Variants in IMPG2 observed in about 807,000 individuals in gnomAD.
The protein encoded by IMPG2 is interphotoreceptor matrix proteoglycan 2, also known as IPM 200.
IMPG2 carries 91 observed loss-of-function variants against 129.2 expected under a neutral mutation model. That is an observed-to-expected ratio of 0.70 (90% CI 0.59 to 0.84). The LOEUF is 0.84. Among genes scored for constraint, IMPG2 ranks in the 40% least tolerant of loss-of-function variants. IMPG2 has a pLI of 0.00. For synonymous variants in IMPG2, 510 were observed against 517.7 expected, an observed-to-expected ratio of 0.99 and a Z score of 0.20; for missense variants, 1,430 against 1,461.7, an observed-to-expected ratio of 0.98 and a Z score of 0.35.
Position 101,320,457 on chromosome 3 carries a change from A to C in IMPG2, c.-85T>G. 1 of 812,766 alleles carries C rather than the reference A, an allele frequency of 1.2e-6. No individual in the cohort carries two copies. Among genetic ancestry groups the C allele is most frequent in the Non-Finnish European group, 2.1e-6 (1 of 467,530 alleles). 50.3% of individuals were successfully genotyped at this position (812,766 alleles called of 1,614,324 possible). On this transcript the variant is annotated 5_prime_UTR_variant, in exon 1 of 19. The change abolishes the stop of an existing upstream ORF in the 5' untranslated region. Transcript: ENST00000193391. Reference sequence around the variant, plus strand: ...TTGAAACTTCCAATAACAAAGAGTTATAGGAAAGACCTAACATTTAAAAGT... The same window carrying C: ...TTGAAACTTCCAATAACAAAGAGTTCTAGGAAAGACCTAACATTTAAAAGT...
chr3:101,256,145 AAAAG>A (rs57933330), intron 10 of IMPG2, among the ~76,000 whole-genome samples: 15,614 of 77,294 alleles, frequency 0.2, 1,257 homozygotes, highest in Non-Finnish European at 0.22. Context: ...AGAAAGAAAG[AAAAG>A]AAAGAAAGAA....
intron 16 of IMPG2, among the ~76,000 whole-genome samples, chr3:101,229,908 A>C (rs1285226983): frequency 6.6e-6 from 1 of 152,234 alleles, no homozygotes; most frequent in Non-Finnish European, 1.5e-5. Context: ...CTGTAGCTTC[A>C]TCATTCCCAG....
At chr3:101,241,563 C>T (rs143790455) in intron 14 of IMPG2, among the ~76,000 whole-genome samples, 13 of 151,892 alleles carry the variant, frequency 8.6e-5, no homozygotes, top group African/African-American at 1.7e-4. Context: ...AGGAGGAGCA[C>T]GAGAGGATGT....
chr3:101,242,483 T>C (rs1305047971), intron 14 of IMPG2, among the ~76,000 whole-genome samples: 7 of 152,156 alleles, frequency 4.6e-5, no homozygotes, highest in African/African-American at 1.7e-4. Flanking sequence ...TAAAGTAACA[T>C]GTTTGGACGA....
At chr3:101,294,928 T>G (rs1415107701) in intron 3 of IMPG2, among the ~76,000 whole-genome samples, 2 of 152,174 alleles carry the variant, frequency 1.3e-5, no homozygotes, top group African/African-American at 4.8e-5. Flanking sequence ...GCCCACTTTT[T>G]GATGGGGTTT....
At chr3:101,298,411 T>C (rs935934003) in intron 3 of IMPG2, among the ~76,000 whole-genome samples, 1 of 152,216 alleles carries the variant, frequency 6.6e-6, no homozygotes, top group Non-Finnish European at 1.5e-5. Context: ...AGGTTAATAT[T>C]GTTATGTGTG....
At chr3:101,242,044 A>AC (rs1396176647) in intron 14 of IMPG2, among the ~76,000 whole-genome samples, 1 of 152,084 alleles carries the variant, frequency 6.6e-6, no homozygotes, top group Non-Finnish European at 1.5e-5. Flanking sequence ...AGAAAAAAAA[A>AC]AAAATTATCA....
At position 101,243,507 on chromosome 3, in the gene IMPG2, A is replaced by G. The variant is rs111927945; in HGVS notation, c.2802+22T>C. 2.5e-5 allele frequency: 40 copies of G among 1,609,220 alleles called. No homozygotes were observed. The African/African-American group carries it at 3.5e-4, about 14-fold the overall frequency. On this transcript the variant is annotated intron_variant, in intron 13 of 18. Coordinates refer to ENST00000193391, the MANE Select transcript of IMPG2 (RefSeq NM_016247.4). ...CATACATGATTATTCACTAGTGCCC[A>G]TGTTTCACTTTTTATGCTTACCAAT...
chr3:101,230,052 G>A (rs1400284246), intron 16 of IMPG2, among the ~76,000 whole-genome samples: 3 of 152,298 alleles, frequency 2.0e-5, no homozygotes, highest in Non-Finnish European at 4.4e-5. Flanking sequence ...CATTGATCAT[G>A]TGCATAGGAC....
intron 3 of IMPG2, among the ~76,000 whole-genome samples, chr3:101,296,929 G>A (rs1245028933): frequency 6.6e-6 from 1 of 152,124 alleles, no homozygotes; most frequent in Non-Finnish European, 1.5e-5. Context: ...TTGAGACAGA[G>A]TCTCACTCTG....
At chr3:101,268,329 T>G (rs1706743353) in intron 8 of IMPG2, among the ~76,000 whole-genome samples, 1 of 152,156 alleles carries the variant, frequency 6.6e-6, no homozygotes, top group African/African-American at 2.4e-5. Flanking sequence ...AGGGAGGTCT[T>G]CAAAGGCCTC....
intron 3 of IMPG2, among the ~76,000 whole-genome samples, chr3:101,303,006 AAATAG>A (rs1422704076): frequency 6.6e-6 from 1 of 152,204 alleles, no homozygotes; most frequent in Admixed American, 6.5e-5. Context: ...TAAAATTTAA[AAATAG>A]AATAGGATAA....
chr3:101,269,752 C>T (rs1294408125), intron 7 of IMPG2, among the ~76,000 whole-genome samples, 179 bp from the exon 8 acceptor site: 2 of 151,906 alleles, frequency 1.3e-5, no homozygotes, highest in Non-Finnish European at 2.9e-5. Flanking sequence ...AACACTGCCA[C>T]ATTTTTCTTT....
intron 16 of IMPG2, among the ~76,000 whole-genome samples, chr3:101,230,706 CTT>C (rs2107205317): frequency 6.6e-6 from 1 of 152,272 alleles, no homozygotes; most frequent in South Asian, 2.1e-4. Flanking sequence ...ATCATTAAAA[CTT>C]TTAAGACTCT....
intron 15 of IMPG2, 30 bp downstream of exon 15, chr3:101,232,751 C>T (rs1447571762): frequency 1.2e-6 from 2 of 1,601,396 alleles, no homozygotes; most frequent in Non-Finnish European, 1.7e-6. Context: ...TCTATAGCCT[C>T]TAAAGTCAAA....
chr3:101,294,168 G>A (rs572755057), intron 3 of IMPG2, among the ~76,000 whole-genome samples: 2 of 152,156 alleles, frequency 1.3e-5, no homozygotes, highest in South Asian at 2.1e-4. Flanking sequence ...GTGGTTTGCT[G>A]CACCTATCAA....
chr3:101,246,079 G>A lies in IMPG2; in HGVS notation c.1266C>T (p.Pro422=). The A allele has an allele frequency of 3.7e-6, 6 of 1,614,086 alleles. No homozygotes were observed. The highest frequency in any genetic ancestry group is 5.1e-6 in the Non-Finnish European group (6 of 1,179,988). ...TGCTGGTGATGGATTCATCTGCTGA[G>A]GGCCATGCAGCTTGAAAGGTATTAT... The part of the protein sequence containing the change: ...ILDNTFQAAW[P]SADESITSSI... The change falls in exon 12 of 19, where the codon CCC becomes CCT. Residue 422 remains proline, a synonymous_variant. Transcript: ENST00000193391.
chr3:101,310,229 T>C (rs947809413), intron 2 of IMPG2, among the ~76,000 whole-genome samples: 1 of 152,136 alleles, frequency 6.6e-6, no homozygotes, highest in African/African-American at 2.4e-5. Context: ...CTAGAGGGAA[T>C]TGCACTGATG....
rs552876738 is a variant in IMPG2, at chr3:101,255,547, G to T, written c.1154-1766C>A. On this transcript the variant is annotated intron_variant, in intron 10 of 18. Coordinates refer to ENST00000193391, the MANE Select transcript of IMPG2 (RefSeq NM_016247.4). ...TCCTACCACTCCAGTTACTGACCTT[G>T]GTGTTTGCACCTTCTGCTCAATGTA... Among the ~76,000 whole-genome samples the T allele has an allele frequency of 6.4e-4, 97 of 152,128 alleles. 2 individuals carry two copies. The South Asian group carries it at 0.017, about 26-fold the overall frequency.
Sources: gnomAD v4.1 joint callset for allele counts (sites outside exome capture counted in the v4.1 genomes callset) on GRCh38, gnomAD v4.1.1 for gene constraint, MANE v1.5 for transcripts, NCBI Gene and HGNC (gene_info 2026-07-23, HGNC 2026-07-21) for gene names.